LRBA: variants seen among roughly 807,000 people sequenced by gnomAD.
LRBA encodes lipopolysaccharide-responsive and beige-like anchor protein.
LRBA carries 176 observed loss-of-function variants against 330.0 expected under a neutral mutation model. The ratio of observed to expected loss-of-function variants is 0.53; its 90% CI spans 0.47 to 0.60. The LOEUF is 0.60. Ranked by LOEUF, LRBA falls within the 20% of genes least tolerant of loss-of-function variation. The pLI, the probability that LRBA is intolerant of heterozygous loss-of-function variation, is 0.00. For synonymous variants in LRBA, 1,230 were observed against 1,193.0 expected (o/e 1.03, Z -0.64); for missense variants, 3,259 against 3,444.8 (o/e 0.95, Z 1.35).
At chr4:150,570,496 C>G (rs1769704164) in intron 40 of LRBA, among the ~76,000 whole-genome samples, 1 of 152,016 alleles carries the variant, frequency 6.6e-6, no homozygotes, top group African/African-American at 2.4e-5. Context: ...TTGCAAATGC[C>G]CTTCTGAAAG....
intron 40 of LRBA, among the ~76,000 whole-genome samples, chr4:150,529,063 C>A (rs985908822): frequency 6.6e-6 from 1 of 152,140 alleles, no homozygotes; most frequent in African/African-American, 2.4e-5. Flanking sequence ...ATACATGTCA[C>A]CAGGACTTAT....
At position 150,301,162 on chromosome 4, in the gene LRBA, C is replaced by T. The variant is rs140381005; in HGVS notation, c.8017+1463G>A. 2.4e-3 allele frequency among the ~76,000 whole-genome samples: 367 copies of T among 151,950 alleles called. 1 individual carries two copies. Among genetic ancestry groups the T allele is most frequent in the Non-Finnish European group, 4.5e-3 (306 of 67,864 alleles). ...AAGAAATTGAAAGGAGTCACTTATTCTAAGAGGACAGACAGGAAGAAGGAC... is the reference window on the plus strand; with the variant it reads ...AAGAAATTGAAAGGAGTCACTTATTTTAAGAGGACAGACAGGAAGAAGGAC... On this transcript the variant is annotated intron_variant, in intron 53 of 56. Coordinates refer to ENST00000651943, the MANE Select transcript of LRBA (RefSeq NM_001364905.1).
chr4:150,415,404 T>TC (rs1458923690), intron 47 of LRBA, 34 bp downstream of exon 47: 15 of 1,599,636 alleles, frequency 9.4e-6, no homozygotes, highest in Non-Finnish European at 1.3e-5. Flanking sequence ...GAGCAAAAGC[T>TC]CATGACAGAC....
At chr4:150,432,877 T>C (rs1296028533) in intron 46 of LRBA, among the ~76,000 whole-genome samples, 2 of 152,196 alleles carry the variant, frequency 1.3e-5, no homozygotes, top group African/African-American at 2.4e-5. Flanking sequence ...GTTCTTTAAA[T>C]AGCCTGTATA....
chr4:150,358,868 G>A (rs1474865633), intron 47 of LRBA, among the ~76,000 whole-genome samples: 2 of 152,206 alleles, frequency 1.3e-5, no homozygotes, highest in African/African-American at 2.4e-5. Flanking sequence ...TTTGAAGATG[G>A]CCAGACCAGA....
At chr4:150,729,848 C>T (rs1730201033) in intron 36 of LRBA, among the ~76,000 whole-genome samples, 1 of 152,106 alleles carries the variant, frequency 6.6e-6, no homozygotes, top group Non-Finnish European at 1.5e-5. Flanking sequence ...CACACAGCTA[C>T]AGGAAATGAA....
chr4:150,697,011 T>C (rs1453562903), intron 36 of LRBA, among the ~76,000 whole-genome samples: 1 of 137,908 alleles, frequency 7.3e-6, no homozygotes, highest in Non-Finnish European at 1.6e-5. Context: ...AGACCCTGCC[T>C]CAAAAAAGTA....
intron 2 of LRBA, among the ~76,000 whole-genome samples, chr4:150,956,638 A>G (rs1161929552): frequency 6.7e-6 from 1 of 149,112 alleles, no homozygotes; most frequent in African/African-American, 2.6e-5. Flanking sequence ...ACAAAATACT[A>G]GCAAACCAAA....
chr4:150,357,754 AAAAT>A (rs939435026), intron 47 of LRBA, among the ~76,000 whole-genome samples: 1 of 151,972 alleles, frequency 6.6e-6, no homozygotes, highest in African/African-American at 2.4e-5. Flanking sequence ...CTTTGCTCAG[AAAAT>A]AATTCATAGA....
At chr4:150,573,825 T>G (rs1770187895) in intron 40 of LRBA, among the ~76,000 whole-genome samples, 1 of 152,174 alleles carries the variant, frequency 6.6e-6, no homozygotes. Context: ...GTATAAAACT[T>G]TCCTTTGTTT....
chr4:150,803,318 T>C (rs910063761), intron 33 of LRBA, among the ~76,000 whole-genome samples: 1 of 151,878 alleles, frequency 6.6e-6, no homozygotes, highest in African/African-American at 2.4e-5. Context: ...GTTTTAAATA[T>C]CTAAGATAGT....
chr4:150,987,692 TGA>T (rs761202317), intron 2 of LRBA, among the ~76,000 whole-genome samples: 5 of 136,270 alleles, frequency 3.7e-5, no homozygotes, highest in Admixed American at 7.4e-5. Flanking sequence ...GGCGACAGAG[TGA>T]GTCTCTGTAT....
chr4:150,836,034 C>T lies in LRBA; in HGVS notation c.4570-4058G>A, dbSNP rs181631686. Reference sequence around the variant, plus strand: ...AAGCGCTGTTGAATTTTGTCAATGGCCTTTTCTGCATCTATTGAGACAATC... The same window carrying T: ...AAGCGCTGTTGAATTTTGTCAATGGTCTTTTCTGCATCTATTGAGACAATC... On this transcript the variant is annotated intron_variant, in intron 28 of 56. Coordinates refer to ENST00000651943, the MANE Select transcript of LRBA (RefSeq NM_001364905.1). 2.6e-3 allele frequency among the ~76,000 whole-genome samples: 400 copies of T among 152,212 alleles called. 1 individual carries two copies. The highest frequency in any genetic ancestry group is 0.014 in the Middle Eastern group (4 of 294).
chr4:150,282,365 G>T, intron 55 of LRBA, 85 bp downstream of exon 55: 1 of 1,235,600 alleles, frequency 8.1e-7, no homozygotes, highest in Non-Finnish European at 1.2e-6. Flanking sequence ...AAAAATAGAG[G>T]TTTCTTTCGC....
chr4:150,867,931 TAAAACA>T, intron 21 of LRBA, 68 bp from the exon 22 acceptor site: 1 of 1,287,388 alleles, frequency 7.8e-7, no homozygotes, highest in South Asian at 1.4e-5. Context: ...TCTAAAGGTT[TAAAACA>T]AAATAACCCT....
At chr4:151,003,613 C>T (rs1743662563) in intron 2 of LRBA, among the ~76,000 whole-genome samples, 1 of 151,676 alleles carries the variant, frequency 6.6e-6, no homozygotes, top group South Asian at 2.1e-4. Context: ...CCCCCAGCCC[C>T]CGCCCCTTCT....
At chr4:150,300,407 C>T (rs1231715137) in intron 53 of LRBA, among the ~76,000 whole-genome samples, 1 of 152,010 alleles carries the variant, frequency 6.6e-6, no homozygotes, top group African/African-American at 2.4e-5. Flanking sequence ...CACCATACTG[C>T]AGACAATGAG....
At chr4:150,726,748 C>T (rs1729730508) in intron 36 of LRBA, among the ~76,000 whole-genome samples, 1 of 152,098 alleles carries the variant, frequency 6.6e-6, no homozygotes. Context: ...CAATCACTTG[C>T]CTCCCTTGAC....
intron 42 of LRBA, among the ~76,000 whole-genome samples, chr4:150,477,534 T>G (rs1756850468): frequency 6.6e-6 from 1 of 152,086 alleles, no homozygotes; most frequent in Non-Finnish European, 1.5e-5. Context: ...TGGGGGAAAC[T>G]GCCTCCATGA....
Sources: allele counts gnomAD v4.1 joint callset (sites outside exome capture counted in the v4.1 genomes callset), GRCh38; gene constraint gnomAD v4.1.1; transcripts MANE v1.5; gene names NCBI Gene and HGNC (gene_info 2026-07-23, HGNC 2026-07-21).